The following SMC5 variants were observed in gnomAD, a reference collection of about 807,000 sequenced individuals.
SMC5 encodes the protein structural maintenance of chromosomes 5.
SMC5 carries 88 observed loss-of-function variants against 148.3 expected under a neutral mutation model. The ratio of observed to expected loss-of-function variants is 0.59; its 90% confidence interval spans 0.50 to 0.71. The LOEUF is 0.71. Among genes scored for constraint, SMC5 ranks in the 30% least tolerant of loss-of-function variants. SMC5 has a pLI of 0.00. For synonymous variants in SMC5, 421 were observed against 432.8 expected (o/e 0.97, Z 0.34); for missense variants, 1,142 against 1,298.9 (o/e 0.88, Z 1.86).
At chr9:70,288,564 A>G (rs1467883150) in intron 8 of SMC5, among the ~76,000 whole-genome samples, 2 of 151,546 alleles carry the variant, frequency 1.3e-5, no homozygotes, top group Non-Finnish European at 2.9e-5. Flanking sequence ...TTTATTTTTC[A>G]TCTTTCCTAA....
chr9:70,292,441 G>A (rs569616813), intron 8 of SMC5, among the ~76,000 whole-genome samples: 1 of 152,122 alleles, frequency 6.6e-6, no homozygotes, highest in South Asian at 2.1e-4. Flanking sequence ...AGGCAGTCAT[G>A]TCAGCTACAA....
intron 17 of SMC5, among the ~76,000 whole-genome samples, chr9:70,337,450 G>GTTTTTTTTTTTTTTTTTTTTTTT (rs201218742): frequency 8.3e-6 from 1 of 119,936 alleles, no homozygotes. Context: ...TTTGGGATTT[G>GTTTTTTTTTTTTTTTTTTTTTTT]TTTTTTTTTT....
At chr9:70,297,715 A>C (rs1311527392) in intron 8 of SMC5, among the ~76,000 whole-genome samples, 4 of 152,202 alleles carry the variant, frequency 2.6e-5, no homozygotes, top group African/African-American at 9.6e-5. Flanking sequence ...TATTCAGGAA[A>C]TATTTAATGA....
intron 7 of SMC5, among the ~76,000 whole-genome samples, chr9:70,283,739 A>G (rs922326207): frequency 6.6e-6 from 1 of 152,156 alleles, no homozygotes; most frequent in Non-Finnish European, 1.5e-5. Flanking sequence ...TGTATGAAAC[A>G]TGATTTCTGC....
intron 6 of SMC5, among the ~76,000 whole-genome samples, chr9:70,281,222 A>G (rs1485089851): frequency 6.6e-6 from 1 of 151,784 alleles, no homozygotes; most frequent in African/African-American, 2.4e-5. Context: ...TTGTATTTTT[A>G]GTAGAGACAG....
intron 8 of SMC5, among the ~76,000 whole-genome samples, chr9:70,288,810 G>A (rs1045147832): frequency 6.6e-6 from 1 of 151,910 alleles, no homozygotes; most frequent in African/African-American, 2.4e-5. Flanking sequence ...AATAAATGTG[G>A]CCTTTTGACT....
At chr9:70,347,210 C>G in intron 20 of SMC5, 49 bp downstream of exon 20, 1 of 1,456,994 alleles carries the variant, frequency 6.9e-7, no homozygotes, top group Non-Finnish European at 9.6e-7. Context: ...CCACCACCAC[C>G]CTCCCCATAC....
chr9:70,318,296 A>T (rs2118602541), intron 13 of SMC5, among the ~76,000 whole-genome samples: 1 of 152,084 alleles, frequency 6.6e-6, no homozygotes, highest in Middle Eastern at 3.4e-3. Context: ...GCTGAAGTGG[A>T]AGGATCACTT....
chr9:70,288,160 TTTTAATTGA>T (rs1186728270), intron 8 of SMC5, among the ~76,000 whole-genome samples: 9 of 152,224 alleles, frequency 5.9e-5, no homozygotes, highest in African/African-American at 1.9e-4. Flanking sequence ...CTGTCATGAA[TTTTAATTGA>T]TGTTTTAATA....
chr9:70,318,962 A>G lies in SMC5; in HGVS notation c.2149A>G (p.Ser717Gly), dbSNP rs1193000938. 5 of 1,606,136 alleles carry G rather than the reference A, an allele frequency of 3.1e-6. No homozygotes were observed. The highest frequency in any genetic ancestry group is 4.2e-6 in the Non-Finnish European group (5 of 1,177,440). ...ACAAAAAATCAGTTCCAAACTAGGAAGGTATCTTTTAGCCTATTCAGGGGG... is the reference window on the plus strand; with the variant it reads ...ACAAAAAATCAGTTCCAAACTAGGAGGGTATCTTTTAGCCTATTCAGGGGG... Reference protein sequence around the residue: ...LEQKISSKLGSLKLMEQDTCN... With the variant: ...LEQKISSKLGGLKLMEQDTCN... The change falls in exon 15 of 25, where the codon AGT becomes GGT. Residue 717 changes from serine (S) to glycine (G), a missense_variant and splice_region_variant. This residue lies in a region of SMC5 where 743 missense variants were observed against 835.7 expected (regional missense o/e 0.89). Transcript: ENST00000361138.
At chr9:70,336,159 G>A (rs2036351118) in intron 17 of SMC5, among the ~76,000 whole-genome samples, 1 of 152,122 alleles carries the variant, frequency 6.6e-6, no homozygotes, top group Non-Finnish European at 1.5e-5. Flanking sequence ...GAGCTATATA[G>A]GGGTGCCTTT....
At chr9:70,310,962 G>A (rs1236790688) in intron 11 of SMC5, 4 of 152,208 alleles carry the variant, frequency 2.6e-5, no homozygotes, top group Non-Finnish European at 5.9e-5. Flanking sequence ...GCTTGCTCTG[G>A]ATTAGGATTT....
At chr9:70,332,384 A>G (rs558889595) in intron 17 of SMC5, among the ~76,000 whole-genome samples, 1 of 152,000 alleles carries the variant, frequency 6.6e-6, no homozygotes, top group African/African-American at 2.4e-5. Flanking sequence ...TCCAGGCATG[A>G]TGGAATGCAC....
At chr9:70,267,359 A>T (rs1341464272) in intron 2 of SMC5, among the ~76,000 whole-genome samples, 7 of 152,174 alleles carry the variant, frequency 4.6e-5, no homozygotes, top group Admixed American at 4.6e-4. Context: ...AGAAACTAGC[A>T]CAGATATGTC....
At chr9:70,262,598 G>A (rs1380205656) in intron 1 of SMC5, among the ~76,000 whole-genome samples, 1 of 152,200 alleles carries the variant, frequency 6.6e-6, no homozygotes, top group Non-Finnish European at 1.5e-5. Flanking sequence ...GGTGGATTTC[G>A]TTTTAAATGT....
chr9:70,352,772 A>T lies in SMC5; in HGVS notation c.*441A>T, dbSNP rs1041406346. 1 of 153,084 alleles carries T rather than the reference A, an allele frequency of 6.5e-6. No homozygotes were observed. Among genetic ancestry groups the T allele is most frequent in the African/African-American group, 2.4e-5 (1 of 41,456 alleles). The allele number at this position is 153,084 out of a possible 1,614,324, so 9.5% of individuals were successfully genotyped here. On this transcript the variant is annotated 3_prime_UTR_variant, in exon 25 of 25. Coordinates refer to ENST00000361138, the MANE Select transcript of SMC5 (RefSeq NM_015110.4). ...TGTTATATTTAATTTTAAAAAATTG[A>T]TATGAAAATGTCTAATGTATAGTAA...
Position 70,305,367 on chromosome 9 carries a change from A to G in SMC5, c.1578+7A>G, listed in dbSNP as rs959989994. 6.9e-7 allele frequency: 1 copy of G among 1,452,590 alleles called. No individual in the cohort carries two copies. Among genetic ancestry groups the G allele is most frequent in the Non-Finnish European group, 9.6e-7 (1 of 1,039,610 alleles). The allele number at this position is 1,452,590 out of a possible 1,614,324, so 90.0% of individuals were successfully genotyped here. Reference sequence around the variant, plus strand: ...GGAGGTTTTCCTCAAAGAGGCAAGTACTAACCAACACAACACTTTGATTCA... The same window carrying G: ...GGAGGTTTTCCTCAAAGAGGCAAGTGCTAACCAACACAACACTTTGATTCA... On this transcript the variant is annotated splice_region_variant and intron_variant, in intron 11 of 24. Coordinates refer to ENST00000361138, the MANE Select transcript of SMC5 (RefSeq NM_015110.4).
Position 70,350,444 on chromosome 9 carries a change from A to G in SMC5, c.3138A>G (p.Thr1046=), listed in dbSNP as rs1486722588. 2 of 1,598,166 alleles carry G rather than the reference A, an allele frequency of 1.3e-6. No individual in the cohort carries two copies. The highest frequency in any genetic ancestry group is 2.3e-5 in the East Asian group (1 of 44,438). Residue 1046 remains threonine, a synonymous_variant, in exon 24 of 25, where the codon ACA becomes ACG. Coordinates refer to ENST00000361138, the MANE Select transcript of SMC5 (RefSeq NM_015110.4). ...TAAATACTGCCTGTAAAGAAAATAC[A>G]TCTCAATACTTTTTCATAACACCAA... ...MVVNTACKEN[T]SQYFFITPKL...
At chr9:70,303,814 A>C (rs1054880652) in intron 10 of SMC5, among the ~76,000 whole-genome samples, 2 of 152,196 alleles carry the variant, frequency 1.3e-5, no homozygotes, top group African/African-American at 2.4e-5. Flanking sequence ...GCTTTGTAAT[A>C]GATTATAGTA....
Sources: allele counts gnomAD v4.1 joint callset (sites outside exome capture counted in the v4.1 genomes callset), GRCh38; gene constraint gnomAD v4.1.1; regional missense constraint gnomAD v4.1.1; transcripts MANE v1.5; gene names NCBI Gene and HGNC (gene_info 2026-07-23, HGNC 2026-07-21).